The following HIP1 variants were observed in gnomAD, a reference collection of about 807,000 sequenced individuals.
The protein encoded by HIP1 is huntingtin interacting protein 1.
A neutral mutation model predicts 147.6 loss-of-function variants in HIP1; 65 were observed. The observed-to-expected ratio is 0.44, with a 90% CI of 0.36 to 0.54. HIP1 has a LOEUF of 0.54. Among genes scored for constraint, HIP1 ranks in the 20% least tolerant of loss-of-function variants. The probability of loss-of-function intolerance (pLI) is 0.00; values close to 1 mark genes in which losing one functional copy is unlikely to be tolerated. For synonymous variants in HIP1, 479 were observed against 504.0 expected (o/e 0.95, Z 0.67); for missense variants, 1,061 against 1,299.6 (o/e 0.82, Z 2.82).
intron 1 of HIP1, among the ~76,000 whole-genome samples, chr7:75,641,108 A>G (rs2117162088): frequency 6.6e-6 from 1 of 151,946 alleles, no homozygotes; most frequent in Middle Eastern, 3.4e-3. Context: ...GGAGTTTGAG[A>G]CCAGCTGGGC....
intron 8 of HIP1, among the ~76,000 whole-genome samples, chr7:75,573,411 C>T (rs1795720896): frequency 1.3e-5 from 2 of 152,190 alleles, no homozygotes; most frequent in Admixed American, 1.3e-4. Context: ...AGCTCCTCTT[C>T]ATCTTGTCCA....
At chr7:75,634,480 C>A (rs1314029364) in intron 1 of HIP1, among the ~76,000 whole-genome samples, 1 of 152,214 alleles carries the variant, frequency 6.6e-6, no homozygotes, top group Admixed American at 6.5e-5. Flanking sequence ...ATAGCGCATA[C>A]TTTGACTGTC....
At chr7:75,547,145 TAAG>T in intron 24 of HIP1, 113 bp from the exon 25 acceptor site, 1 of 848,878 alleles carries the variant, frequency 1.2e-6, no homozygotes, top group South Asian at 1.5e-5. Flanking sequence ...GAAAGGGAGG[TAAG>T]AAGGGTGCTG....
chr7:75,728,926 AG>A (rs1161301791), intron 1 of HIP1, among the ~76,000 whole-genome samples: 3 of 146,038 alleles, frequency 2.1e-5, no homozygotes, highest in Non-Finnish European at 3.0e-5. Flanking sequence ...TTGTCAGTGA[AG>A]GGGGAGTATG....
chr7:75,539,737 T>C (rs1353381333), intron 29 of HIP1, among the ~76,000 whole-genome samples: 5 of 152,222 alleles, frequency 3.3e-5, no homozygotes, highest in Non-Finnish European at 5.9e-5. Flanking sequence ...TTCTTTGCTC[T>C]AATTTTTCCA....
At chr7:75,655,754 ATAT>A (rs782292471) in intron 1 of HIP1, among the ~76,000 whole-genome samples, 8 of 152,148 alleles carry the variant, frequency 5.3e-5, no homozygotes, top group Non-Finnish European at 1.0e-4. Context: ...GGGTGATGAA[ATAT>A]TATGGAAATA....
intron 1 of HIP1, among the ~76,000 whole-genome samples, chr7:75,672,497 C>T (rs1192578042): frequency 6.6e-6 from 1 of 151,854 alleles, no homozygotes; most frequent in Non-Finnish European, 1.5e-5. Flanking sequence ...TGGTTAATTT[C>T]TGTATTTTTT....
At chr7:75,678,021 A>G (rs1554516313) in intron 1 of HIP1, among the ~76,000 whole-genome samples, 1 of 151,750 alleles carries the variant, frequency 6.6e-6, no homozygotes, top group African/African-American at 2.4e-5. Flanking sequence ...CTTCTTTTCC[A>G]TAGTGCTTAT....
chr7:75,672,300 A>T, intron 1 of HIP1, among the ~76,000 whole-genome samples: 1 of 148,106 alleles, frequency 6.8e-6, no homozygotes, highest in Non-Finnish European at 1.5e-5. Flanking sequence ...ATTTTCTCCC[A>T]TTCTATGAGA....
chr7:75,568,146 G>T lies in HIP1; in HGVS notation c.803+53C>A. The T allele has an allele frequency of 7.7e-7, 1 of 1,296,650 alleles. No homozygotes were observed. Among genetic ancestry groups the T allele is most frequent in the South Asian group, 1.2e-5 (1 of 84,582 alleles). The allele number at this position is 1,296,650 out of a possible 1,614,324, so 80.3% of individuals were successfully genotyped here. ...TCACAGTGCACTTGCATGGCTTAAT[G>T]ATTTTATAGCGCTCTTGAATTCACC... is the stretch of plus-strand genomic sequence containing the variant. On this transcript the variant is annotated intron_variant, in intron 9 of 30. Coordinates refer to ENST00000336926, the MANE Select transcript of HIP1 (RefSeq NM_005338.7). This position sits in a 1 kb window ranked among gnomAD's most constrained non-coding sequence, Gnocchi z 4.1.
In HIP1 at chr7:75,730,488, C is replaced by T. The variant is rs550409685; in HGVS notation, c.120+8313G>A. Reference sequence around the variant, plus strand: ...CCAAGTAGCTGGGATTACAGGCGCACGCCACCACGCCCAGCTAATTTTGTA... The same window carrying T: ...CCAAGTAGCTGGGATTACAGGCGCATGCCACCACGCCCAGCTAATTTTGTA... On this transcript the variant is annotated intron_variant, in intron 1 of 30. Coordinates refer to ENST00000336926, the MANE Select transcript of HIP1 (RefSeq NM_005338.7). 3.8e-3 allele frequency among the ~76,000 whole-genome samples: 568 copies of T among 151,356 alleles called. 3 individuals are homozygous for T. Among genetic ancestry groups the T allele is most frequent in the Non-Finnish European group, 6.0e-3 (410 of 67,778 alleles).
Position 75,535,090 on chromosome 7 carries a change from G to C in HIP1, c.*3082C>G. 1 of 214,394 alleles carries C rather than the reference G, an allele frequency of 4.7e-6. No individual in the cohort carries two copies. Among genetic ancestry groups the C allele is most frequent in the South Asian group, 1.9e-4 (1 of 5,356 alleles). The allele number at this position is 214,394 out of a possible 1,614,324, so 13.3% of individuals were successfully genotyped here. A position where few individuals can be genotyped will look rare whatever the true frequency, so the allele number is the denominator to read the frequency against. ...CATTCTAATCTGAGCTATTACGAAA[G>C]TAATTATGTGACATCTGACAGCTAC... is the stretch of plus-strand genomic sequence containing the variant. On this transcript the variant is annotated 3_prime_UTR_variant, in exon 31 of 31. Coordinates refer to ENST00000336926, the MANE Select transcript of HIP1 (RefSeq NM_005338.7).
At chr7:75,640,786 A>AAAT (rs1798628336) in intron 1 of HIP1, among the ~76,000 whole-genome samples, 1 of 145,900 alleles carries the variant, frequency 6.9e-6, no homozygotes, top group Non-Finnish European at 1.5e-5. Context: ...TAATAATAAT[A>AAAT]AATAATGAAC....
At position 75,556,697 on chromosome 7, in the gene HIP1, A is replaced by C; in HGVS notation, c.1683+13T>G. 3 of 1,515,004 alleles carry C rather than the reference A, an allele frequency of 2.0e-6. No homozygotes were observed. The highest frequency in any genetic ancestry group is 1.8e-5 in the Admixed American group (1 of 56,406). 93.8% of individuals were successfully genotyped at this position (1,515,004 alleles called of 1,614,324 possible). A position where few individuals can be genotyped will look rare whatever the true frequency, so the allele number is the denominator to read the frequency against. On this transcript the variant is annotated intron_variant, in intron 17 of 30. Transcript: ENST00000336926. The stretch of plus-strand genomic sequence containing the variant: ...GAAGACTCTATCTCCAAAAAAAAAA[A>C]GGAGGTATTTACCTGGGCAGAAGTT...
chr7:75,576,491 G>A (rs1429684682), intron 7 of HIP1, among the ~76,000 whole-genome samples: 3 of 152,344 alleles, frequency 2.0e-5, no homozygotes, highest in Admixed American at 1.3e-4. Flanking sequence ...GGAGGCTGAG[G>A]TGGGAGGACT....
At chr7:75,664,447 T>C (rs1554514328) in intron 1 of HIP1, among the ~76,000 whole-genome samples, 1 of 104,814 alleles carries the variant, frequency 9.5e-6, no homozygotes, top group African/African-American at 4.5e-5. Context: ...CATACATATA[T>C]ACACATACAT....
rs587633624 is a variant in HIP1, at chr7:75,594,616, G to A, written c.185-2102C>T. On this transcript the variant is annotated intron_variant, in intron 2 of 30. Transcript: ENST00000336926. ...TGGTGAAACCCCGTCTCTACTAAAA[G>A]TACAAAAATTAGCCGGGCATGGTGG... is the stretch of plus-strand genomic sequence containing the variant. Among the ~76,000 whole-genome samples, 27 of 151,764 alleles carry A rather than the reference G, an allele frequency of 1.8e-4. No homozygotes were observed. The South Asian group carries it at 4.2e-3, about 23-fold the overall frequency.
At chr7:75,540,488 T>C (rs1451566394) in intron 29 of HIP1, among the ~76,000 whole-genome samples, 2 of 150,848 alleles carry the variant, frequency 1.3e-5, no homozygotes, top group Non-Finnish European at 2.9e-5. Context: ...TGTGTATCTG[T>C]AGTCCCAGCT....
intron 1 of HIP1, among the ~76,000 whole-genome samples, chr7:75,660,074 C>T (rs1375173121): frequency 1.3e-5 from 2 of 151,374 alleles, no homozygotes; most frequent in African/African-American, 4.9e-5. Flanking sequence ...TGCACTGAGC[C>T]GAGATAGTGC....
Sources: gnomAD v4.1 joint callset for allele counts (sites outside exome capture counted in the v4.1 genomes callset) on GRCh38, gnomAD v4.1.1 for gene constraint, Gnocchi (gnomAD v3.1) non-coding constraint, MANE v1.5 for transcripts, NCBI Gene and HGNC (gene_info 2026-07-23, HGNC 2026-07-21) for gene names.